The following SEL1L3 variants were observed in gnomAD, a reference collection of about 807,000 sequenced individuals.
SEL1L3 encodes SEL1L family member 3.
SEL1L3 carries 76 observed loss-of-function variants against 142.8 expected under a neutral mutation model. The ratio of observed to expected loss-of-function variants is 0.53; its 90% CI spans 0.44 to 0.64. SEL1L3 has a LOEUF of 0.64. Among genes scored for constraint, SEL1L3 ranks in the 30% least tolerant of loss-of-function variants. The probability of loss-of-function intolerance (pLI) is 0.00; values close to 1 mark genes in which losing one functional copy is unlikely to be tolerated. For missense variants in SEL1L3, 1,262 were observed against 1,381.7 expected, an observed-to-expected ratio of 0.91 and a Z score of 1.37; for synonymous variants, 504 against 519.6, an observed-to-expected ratio of 0.97 and a Z score of 0.41.
At chr4:25,778,714 G>A (rs562562255) in intron 16 of SEL1L3, among the ~76,000 whole-genome samples, 159 of 151,952 alleles carry the variant, frequency 1.0e-3, no homozygotes, top group African/African-American at 3.7e-3. Context: ...ACAATGCCTC[G>A]GATGAAAATA....
chr4:25,831,570 G>A (rs1196977437), intron 5 of SEL1L3, among the ~76,000 whole-genome samples: 1 of 149,016 alleles, frequency 6.7e-6, no homozygotes, highest in Non-Finnish European at 1.5e-5. Context: ...CTGTTGCCCA[G>A]GCTGGAGTGC....
At chr4:25,752,447 T>C (rs1364031478) in intron 23 of SEL1L3, among the ~76,000 whole-genome samples, 4 of 150,936 alleles carry the variant, frequency 2.7e-5, no homozygotes, top group Admixed American at 2.6e-4. Flanking sequence ...AAGTTGAATG[T>C]TTTAGAAAGA....
chr4:25,819,830 G>A lies in SEL1L3; in HGVS notation c.1401C>T (p.His467=), dbSNP rs760964030. The A allele has an allele frequency of 9.3e-6, 15 of 1,611,822 alleles. No individual in the cohort carries two copies. Among genetic ancestry groups the A allele is most frequent in the African/African-American group, 8.0e-5 (6 of 74,780 alleles). Residue 467 remains histidine, a synonymous_variant, in exon 8 of 24, where the codon CAC becomes CAT. Transcript: ENST00000399878. ...IVSVYASAAK[H]GGERQEACHL... ...TACATGCTTCTTGTCTCTCGCCCCC[G>A]TGCTTTGCTGCAGATGCATACACAG...
rs11932738 is a variant in SEL1L3, at chr4:25,820,971, G to A, written c.1290+1025C>T. On this transcript the variant is annotated intron_variant, in intron 7 of 23. Transcript: ENST00000399878. ...TCAAACTCCTGACTTCAAGTGATCC[G>A]CCTGCCTCGGCCTCCCAAAGCGCTG... Among the ~76,000 whole-genome samples, 371 of 152,088 alleles carry A rather than the reference G, an allele frequency of 2.4e-3. 5 individuals carry two copies. Among genetic ancestry groups the A allele is most frequent in the African/African-American group, 7.3e-3 (301 of 41,478 alleles).
At chr4:25,784,133 G>T in intron 14 of SEL1L3, 95 bp downstream of exon 14, 1 of 1,063,860 alleles carries the variant, frequency 9.4e-7, no homozygotes, top group Non-Finnish European at 1.5e-6. Context: ...TTAGGGCTTT[G>T]TAGGAAGAGG....
intron 6 of SEL1L3, among the ~76,000 whole-genome samples, chr4:25,824,912 C>T (rs1714995015): frequency 6.6e-6 from 1 of 152,004 alleles, no homozygotes; most frequent in African/African-American, 2.4e-5. Context: ...ATCTAGATGG[C>T]TTTTGGGCTC....
intron 1 of SEL1L3, among the ~76,000 whole-genome samples, chr4:25,850,849 G>A (rs539107267): frequency 1.3e-5 from 2 of 150,932 alleles, no homozygotes; most frequent in African/African-American, 4.9e-5. Flanking sequence ...TCTTTTTTTT[G>A]TTTGTTTGTT....
In SEL1L3 at chr4:25,832,991, A is replaced by G. The variant is rs765622486; in HGVS notation, c.1098+4T>C. 37 of 1,538,026 alleles carry G rather than the reference A, an allele frequency of 2.4e-5. No homozygotes were observed. The highest frequency in any genetic ancestry group is 1.0e-4 in the Admixed American group (6 of 59,892). ...GTCGTGTGATGAAGCGTGCATACAG[A>G]TACCTGGCCTCCGTTAAAAGAGATA... On this transcript the variant is annotated splice_donor_region_variant and intron_variant, in intron 5 of 23. Transcript: ENST00000399878.
chr4:25,757,573 A>G lies in SEL1L3; in HGVS notation c.3220T>C (p.Leu1074=), dbSNP rs1482701675. 2 of 1,552,472 alleles carry G rather than the reference A, an allele frequency of 1.3e-6. No individual in the cohort carries two copies. The highest frequency in any genetic ancestry group is 4.9e-5 in the East Asian group (2 of 41,004). ...AAATACTGCACAGTCCAGGCGATCA[A>G]TATGGATAGCAGAAAGGTTCCCAGA... is the stretch of plus-strand genomic sequence containing the variant. ...YFLGTFLLSI[L]IAWTVQYFQS... is the part of the protein sequence containing the mutation. The change falls in exon 23 of 24, where the codon TTG becomes CTG. Residue 1074 remains leucine, a synonymous_variant. Coordinates refer to ENST00000399878, the MANE Select transcript of SEL1L3 (RefSeq NM_015187.5).
intron 10 of SEL1L3, 143 bp from the exon 11 acceptor site, chr4:25,802,605 G>C: frequency 1.4e-6 from 1 of 717,186 alleles, no homozygotes; most frequent in Non-Finnish European, 2.3e-6. Flanking sequence ...TTTTTGAGAC[G>C]GAGCCTTGGC....
rs548830911 is a variant in SEL1L3 at position 25,797,752 on chromosome 4, C to T, written c.1956+4531G>A. Among the ~76,000 whole-genome samples, 268 of 152,304 alleles carry T rather than the reference C, an allele frequency of 1.8e-3. 1 individual carries two copies. The Middle Eastern group carries it at 0.031, about 17-fold the overall frequency. On this transcript the variant is annotated intron_variant, in intron 11 of 23. Coordinates refer to ENST00000399878, the MANE Select transcript of SEL1L3 (RefSeq NM_015187.5). ...CATCTTTCCATCAGTAAACACTGAG[C>T]GCCAACTATGTGTCAGGCAGAGTGC...
At chr4:25,754,510 G>A (rs1217842052) in intron 23 of SEL1L3, among the ~76,000 whole-genome samples, 6 of 151,652 alleles carry the variant, frequency 4.0e-5, no homozygotes, top group East Asian at 3.9e-4. Flanking sequence ...CACCATACCC[G>A]TCCCATATTT....
At chr4:25,790,370 T>G in intron 12 of SEL1L3, 85 bp downstream of exon 12, 1 of 1,313,246 alleles carries the variant, frequency 7.6e-7, no homozygotes. Context: ...TTTAAGCCAC[T>G]GCAGTTTGAG....
At chr4:25,850,039 G>A (rs1008466742) in intron 1 of SEL1L3, among the ~76,000 whole-genome samples, 40 of 152,320 alleles carry the variant, frequency 2.6e-4, no homozygotes, top group Middle Eastern at 6.8e-3. Flanking sequence ...GGCACTGCAA[G>A]GGGTGTGAAC....
chr4:25,832,272 C>T (rs1715496693), intron 5 of SEL1L3, among the ~76,000 whole-genome samples: 1 of 152,192 alleles, frequency 6.6e-6, no homozygotes, highest in Non-Finnish European at 1.5e-5. Flanking sequence ...AATGCCTCTT[C>T]CAGTTTTGTT....
intron 19 of SEL1L3, among the ~76,000 whole-genome samples, chr4:25,766,115 T>C (rs182197065): frequency 3.5e-4 from 53 of 152,338 alleles, no homozygotes; most frequent in African/African-American, 1.2e-3. Flanking sequence ...TGTATTTTAT[T>C]TTTCCTCTGA....
chr4:25,803,083 T>A (rs929802746), intron 10 of SEL1L3, among the ~76,000 whole-genome samples: 5 of 152,220 alleles, frequency 3.3e-5, no homozygotes, highest in African/African-American at 1.2e-4. Context: ...TTCAGTGACA[T>A]CATCGATGGA....
intron 6 of SEL1L3, 106 bp from the exon 7 acceptor site, chr4:25,822,234 C>A: frequency 7.3e-7 from 1 of 1,362,978 alleles, no homozygotes; most frequent in Non-Finnish European, 1.0e-6. Context: ...TTGCCCCAAG[C>A]CCTTCACTCT....
At chr4:25,790,334 G>T in intron 12 of SEL1L3, 121 bp downstream of exon 12, 1 of 936,740 alleles carries the variant, frequency 1.1e-6, no homozygotes, top group Non-Finnish European at 1.7e-6. Flanking sequence ...GACATGCAGT[G>T]TGAGTGAGAA....
Sources: gnomAD v4.1 joint callset for allele counts (sites outside exome capture counted in the v4.1 genomes callset) on GRCh38, gnomAD v4.1.1 for gene constraint, MANE v1.5 for transcripts, NCBI Gene and HGNC (gene_info 2026-07-23, HGNC 2026-07-21) for gene names.